Variants in BRSK2 observed in about 807,000 individuals in gnomAD.
BRSK2 encodes serine/threonine-protein kinase BRSK2.
Under a neutral mutation model 83.3 loss-of-function variants are expected in BRSK2, and 19 were observed. The ratio of observed to expected loss-of-function variants is 0.23; its 90% CI spans 0.16 to 0.33. The LOEUF (loss-of-function observed/expected upper bound fraction) is 0.33. Among genes scored for constraint, BRSK2 ranks in the 10% least tolerant of loss-of-function variants. The pLI is 1.00. For missense variants in BRSK2, 798 were observed against 1,042.3 expected (o/e 0.77, Z 3.23); for synonymous variants, 519 against 435.4 (o/e 1.19, Z -2.39).
rs970798894 is a variant in BRSK2, at chr11:1,392,723, C to T, written c.91+2348C>T. On this transcript the variant is annotated intron_variant, in intron 1 of 19. Coordinates refer to ENST00000528841, the MANE Select transcript of BRSK2 (RefSeq NM_001256627.2). Reference sequence around the variant, plus strand: ...GCCTGGAGGACGCCCTTCTAGACGCCGCAGGGTCCGGTCGGCTGTCTTCTT... The same window carrying T: ...GCCTGGAGGACGCCCTTCTAGACGCTGCAGGGTCCGGTCGGCTGTCTTCTT... Among the ~76,000 whole-genome samples the T allele has an allele frequency of 7.2e-5, 11 of 152,220 alleles. No homozygotes were observed. In the South Asian group the frequency reaches 1.0e-3, roughly 14 times the overall value.
rs1359471544 is a variant in BRSK2 at position 1,462,630 on chromosome 11, C to T, written c.*1907C>T. The T allele has an allele frequency of 6.6e-6, 1 of 152,280 alleles. No homozygotes were observed. Among genetic ancestry groups the T allele is most frequent in the Non-Finnish European group, 1.5e-5 (1 of 68,082 alleles). The allele number at this position is 152,280 out of a possible 1,614,324, so 9.4% of individuals were successfully genotyped here. ...GAAATGGGCAAGCCCCTGCAGTGTACCCCTGTCATAACTGTGAGCAGCTGC... is the reference window on the plus strand; with the variant it reads ...GAAATGGGCAAGCCCCTGCAGTGTATCCCTGTCATAACTGTGAGCAGCTGC... On this transcript the variant is annotated 3_prime_UTR_variant, in exon 20 of 20. Coordinates refer to ENST00000528841, the MANE Select transcript of BRSK2 (RefSeq NM_001256627.2).
intron 1 of BRSK2, among the ~76,000 whole-genome samples, chr11:1,395,419 C>T (rs1355335183): frequency 6.6e-6 from 1 of 152,206 alleles, no homozygotes; most frequent in Non-Finnish European, 1.5e-5. Flanking sequence ...CAAGATGCTG[C>T]CCCTGGCGTC....
At chr11:1,444,862 T>A in intron 8 of BRSK2, 109 bp from the exon 9 acceptor site, 7 of 856,570 alleles carry the variant, frequency 8.2e-6, no homozygotes, top group East Asian at 2.8e-5. Context: ...GCCCTCACCC[T>A]CTCCTGCTCT....
rs756482507 is a variant in BRSK2 at position 1,445,688 on chromosome 11, C to G, written c.1075+20C>G. On this transcript the variant is annotated intron_variant, in intron 11 of 19. Transcript: ENST00000528841. ...AGATAGGTATGGGTCCAGGGGTGGC[C>G]TCCAGCCCGGCCTGCACTGCCCCAC... is the stretch of plus-strand genomic sequence containing the variant. The G allele has an allele frequency of 2.1e-5, 34 of 1,610,740 alleles. No individual in the cohort carries two copies. The African/African-American group carries it at 3.6e-4, about 17-fold the overall frequency.
intron 12 of BRSK2, among the ~76,000 whole-genome samples, chr11:1,447,201 C>T (rs1176058728): frequency 6.6e-6 from 1 of 152,164 alleles, no homozygotes; most frequent in Non-Finnish European, 1.5e-5. Context: ...CTCCTATCTA[C>T]ATTCTACTGT....
At chr11:1,393,564 G>C (rs1248075611) in intron 1 of BRSK2, among the ~76,000 whole-genome samples, 1 of 152,210 alleles carries the variant, frequency 6.6e-6, no homozygotes, top group Non-Finnish European at 1.5e-5. Flanking sequence ...CTGTGGCGTG[G>C]GGGAGGGACC....
At position 1,423,989 on chromosome 11, in the gene BRSK2, G is replaced by A. The variant is rs1032765357; in HGVS notation, c.92-12051G>A. 1.3e-5 allele frequency among the ~76,000 whole-genome samples: 2 copies of A among 152,266 alleles called. No individual in the cohort carries two copies. The highest frequency in any genetic ancestry group is 2.1e-4 in the South Asian group (1 of 4,830). On this transcript the variant is annotated intron_variant, in intron 1 of 19. Transcript: ENST00000528841. The surrounding 1 kb of genome is among the most constrained non-coding windows in gnomAD (Gnocchi z 6.5). ...ATAGGAAGGCTGGTAGTTGGGTTTA[G>A]TGTCCACCCCAAATCTGGGGCTATG...
At chr11:1,414,338 C>T (rs1285102250) in intron 1 of BRSK2, among the ~76,000 whole-genome samples, 1 of 152,216 alleles carries the variant, frequency 6.6e-6, no homozygotes, top group Non-Finnish European at 1.5e-5. Flanking sequence ...CTGGGGATGC[C>T]ACTGCCCCAC....
intron 1 of BRSK2, chr11:1,411,646 C>T (rs1390883762): frequency 1.2e-5 from 18 of 1,537,446 alleles, no homozygotes; most frequent in Non-Finnish European, 1.6e-5. Context: ...GCGTGCCACG[C>T]TCCCTGGCTG....
intron 1 of BRSK2, among the ~76,000 whole-genome samples, chr11:1,402,454 C>T (rs1313745469): frequency 6.6e-6 from 1 of 152,248 alleles, no homozygotes; most frequent in Non-Finnish European, 1.5e-5. Flanking sequence ...TGAACCTTGT[C>T]CGTGCCTGAG....
intron 1 of BRSK2, among the ~76,000 whole-genome samples, chr11:1,426,048 G>A (rs1423342149): frequency 5.3e-5 from 8 of 152,228 alleles, no homozygotes; most frequent in Non-Finnish European, 1.0e-4. Context: ...TGCTCTGGAC[G>A]GTGGGCTGGC....
chr11:1,424,485 G>T (rs1848977872), intron 1 of BRSK2, among the ~76,000 whole-genome samples: 1 of 152,206 alleles, frequency 6.6e-6, no homozygotes, highest in South Asian at 2.1e-4. Context: ...GTTGGGGATA[G>T]GTGAGGGACC....
rs372493710 is a variant in BRSK2 at position 1,423,159 on chromosome 11, AGCGGTGCCTCGTGGGGGAT to A, written c.92-12862_92-12844del. Reference sequence around the variant, plus strand: ...CCATGTACCTCAGGGCCTCCCCCAGAGCGGTGCCTCGTGGGGGATGCGGTGCCTCGTGGGGGACATGGTG... The same window carrying A: ...CCATGTACCTCAGGGCCTCCCCCAGAGCGGTGCCTCGTGGGGGACATGGTG... On this transcript the variant is annotated intron_variant, in intron 1 of 19. Transcript: ENST00000528841. The surrounding 1 kb of genome is among the most constrained non-coding windows in gnomAD (Gnocchi z 6.5). Among the ~76,000 whole-genome samples, 4 of 151,758 alleles carry A rather than the reference AGCGGTGCCTCGTGGGGGAT, an allele frequency of 2.6e-5. No homozygotes were observed. Among genetic ancestry groups the A allele is most frequent in the Admixed American group, 1.3e-4 (2 of 15,248 alleles).
chr11:1,449,836 G>C lies in BRSK2; in HGVS notation c.1287G>C (p.Arg429=). The change falls in exon 13 of 20, where the codon CGG becomes CGC. Residue 429 remains arginine, a splice_region_variant and synonymous_variant. Transcript: ENST00000528841. ...GLSTSPLSSP[R]VTPHPSPRGS... Reference sequence around the variant, plus strand: ...CCACCAGCCCACTCAGCAGCCCCCGGGTGAGTGACCCCCCGCCCCCACCCA... The same window carrying C: ...CCACCAGCCCACTCAGCAGCCCCCGCGTGAGTGACCCCCCGCCCCCACCCA... 6.2e-7 allele frequency: 1 copy of C among 1,610,144 alleles called. No individual in the cohort carries two copies. The highest frequency in any genetic ancestry group is 8.5e-7 in the Non-Finnish European group (1 of 1,177,966).
At chr11:1,391,712 GA>G (rs1845741507) in intron 1 of BRSK2, among the ~76,000 whole-genome samples, 1 of 152,234 alleles carries the variant, frequency 6.6e-6, no homozygotes, top group Admixed American at 6.5e-5. Context: ...TTCCCGGAAA[GA>G]AAAACTAGTG....
chr11:1,427,437 C>T (rs574234601), intron 1 of BRSK2, among the ~76,000 whole-genome samples: 11 of 152,288 alleles, frequency 7.2e-5, no homozygotes, highest in East Asian at 1.9e-4. Flanking sequence ...TGGGGGCACC[C>T]GTGTTAACGT....
At chr11:1,412,769 G>T (rs1320107810) in intron 1 of BRSK2, among the ~76,000 whole-genome samples, 2 of 152,168 alleles carry the variant, frequency 1.3e-5, no homozygotes, top group Non-Finnish European at 1.5e-5. Context: ...GTGGGCAACG[G>T]TGCCCTGGCT....
chr11:1,450,885 C>A (rs570095082), intron 14 of BRSK2, 91 bp downstream of exon 14: 2 of 1,270,266 alleles, frequency 1.6e-6, no homozygotes, highest in Admixed American at 6.0e-5. Flanking sequence ...CAGACCAGTC[C>A]GAGGGGCCTG....
At position 1,390,237 on chromosome 11, in the gene BRSK2, C is replaced by T. The variant is rs1222371238; in HGVS notation, c.-48C>T. 1.4e-5 allele frequency: 14 copies of T among 968,774 alleles called. No individual in the cohort carries two copies. Among genetic ancestry groups the T allele is most frequent in the African/African-American group, 1.8e-5 (1 of 56,130 alleles). The allele number at this position is 968,774 out of a possible 1,614,324, so 60.0% of individuals were successfully genotyped here. A position where few individuals can be genotyped will look rare whatever the true frequency, so the allele number is the denominator to read the frequency against. On this transcript the variant is annotated 5_prime_UTR_variant, in exon 1 of 20. Transcript: ENST00000528841. The surrounding 1 kb of genome is among the most constrained non-coding windows in gnomAD (Gnocchi z 6.8). ...GCGGGCGGACGCTGGGCGGCCCCTC[C>T]CTGCCCGCGCGCCCGGGCGCCCCTG...
Sources: allele counts gnomAD v4.1 joint callset (sites outside exome capture counted in the v4.1 genomes callset), GRCh38; gene constraint gnomAD v4.1.1; non-coding constraint Gnocchi (gnomAD v3.1); transcripts MANE v1.5; gene names NCBI Gene and HGNC (gene_info 2026-07-23, HGNC 2026-07-21).